Variants in TTN observed in about 807,000 individuals in gnomAD.
The protein encoded by TTN is connectin.
A neutral mutation model predicts 3,223.0 loss-of-function variants in TTN; 1,525 were observed. The ratio of observed to expected loss-of-function variants is 0.47; its 90% CI spans 0.45 to 0.49. The LOEUF (loss-of-function observed/expected upper bound fraction) is 0.49, where lower values mean the gene tolerates loss of function less well. Ranked by LOEUF, TTN falls within the 20% of genes least tolerant of loss-of-function variation. The probability of loss-of-function intolerance (pLI) is 0.00; values close to 1 mark genes in which losing one functional copy is unlikely to be tolerated. For missense variants in TTN, 40,786 were observed against 43,424.0 expected (o/e 0.94, Z 5.40); for synonymous variants, 14,094 against 15,161.0 (o/e 0.93, Z 5.17).
Position 178,731,751 on chromosome 2 carries a change from C to A in TTN, c.17124G>T (p.Gln5708His). 1 of 1,613,782 alleles carries A rather than the reference C, an allele frequency of 6.2e-7. No homozygotes were observed. The highest frequency in any genetic ancestry group is 1.1e-5 in the South Asian group (1 of 91,072). ...TGCCCACCTCATTGGTCACCCGACA[C>A]TGGTATTCGCCAGCATCTGCAGCTA... is the stretch of plus-strand genomic sequence containing the variant. Reference protein sequence around the residue: ...KFVAADAGEYQCRVTNEVGSS... With the variant: ...KFVAADAGEYHCRVTNEVGSS... Residue 5708 changes from glutamine to histidine, a missense_variant, in exon 58 of 363, where the codon CAG (glutamine) becomes CAT (histidine). Gln to His is a conservative substitution (Grantham distance 24). Transcript: ENST00000589042.
Position 178,572,508 on chromosome 2 carries a change from G to T in TTN, c.73624C>A (p.Pro24542Thr). 6.2e-7 allele frequency: 1 copy of T among 1,613,300 alleles called. No individual in the cohort carries two copies. The highest frequency in any genetic ancestry group is 8.5e-7 in the Non-Finnish European group (1 of 1,179,576). The change falls in exon 326 of 363, where the codon CCA (proline) becomes ACA (threonine). Residue 24542 changes from proline to threonine, a missense_variant. Coordinates refer to ENST00000589042, the MANE Select transcript of TTN (RefSeq NM_001267550.2). ...TKTSVTLTWD[P>T]PLLDGGSKIK... is the part of the protein sequence containing the mutation. ...TTTGAACCTCCATCAAGGAGAGGTG[G>T]GTCCCATGTGAGTGTGACAGATGTC...
Position 178,608,390 on chromosome 2 carries a change from C to G in TTN, c.52493G>C (p.Gly17498Ala). ...LVKWNEPKDN[G>A]SPILGYWLEK... ...AAGCCAGTAACCCAAAATGGGGCTT[C>G]CATTATCTTTTGGTTCATTCCATTT... The change falls in exon 275 of 363, where the codon GGA becomes GCA. Residue 17498 changes from glycine (G) to alanine (A), a missense_variant. Coordinates refer to ENST00000589042, the MANE Select transcript of TTN (RefSeq NM_001267550.2). 6.2e-7 allele frequency: 1 copy of G among 1,610,834 alleles called. No individual in the cohort carries two copies. The highest frequency in any genetic ancestry group is 1.1e-5 in the South Asian group (1 of 90,640).
At position 178,535,854 on chromosome 2, in the gene TTN, AT is replaced by A; in HGVS notation, c.100766-6del. 6.6e-7 allele frequency: 1 copy of A among 1,504,284 alleles called. No individual in the cohort carries two copies. 93.2% of individuals were successfully genotyped at this position (1,504,284 alleles called of 1,614,324 possible). The stretch of plus-strand genomic sequence containing the variant: ...GTAAGTGTATCTTAGCTGGAACTGT[AT>A]CAGAAAAAAAAAAAAAAAGAATATA... On this transcript the variant is annotated splice_polypyrimidine_tract_variant and splice_region_variant and intron_variant, in intron 357 of 362. Coordinates refer to ENST00000589042, the MANE Select transcript of TTN (RefSeq NM_001267550.2).
In TTN at chr2:178,618,859, GAGAA is replaced by G. The variant is rs1576523012; in HGVS notation, c.46697-10_46697-7del. 1.2e-6 allele frequency: 2 copies of G among 1,607,916 alleles called. No individual in the cohort carries two copies. Among genetic ancestry groups the G allele is most frequent in the Non-Finnish European group, 1.7e-6 (2 of 1,178,068 alleles). ...TGTCTTGATTTTTGGTGCAGCTAGT[GAGAA>G]AGATAACATGTGAACGCTTTCGACT... On this transcript the variant is annotated splice_region_variant and splice_polypyrimidine_tract_variant and intron_variant, in intron 250 of 362. Transcript: ENST00000589042.
rs767794014 is a variant in TTN at position 178,689,537 on chromosome 2, T to C, written c.31905A>G (p.Arg10635=). 14 of 1,610,504 alleles carry C rather than the reference T, an allele frequency of 8.7e-6. No individual in the cohort carries two copies. The East Asian group carries it at 2.7e-4, about 31-fold the overall frequency. The stretch of plus-strand genomic sequence containing the variant: ...TACCTGCTGGTGGTGGAGATTCCTC[T>C]CTTTGAGTTACAATGGTTATTTTTT... ...TEEKITIVTQ[R]EESPPPAVPE... The change falls in exon 123 of 363, where the codon AGA becomes AGG. Residue 10635 remains arginine (R), a synonymous_variant. Transcript: ENST00000589042.
Position 178,577,339 on chromosome 2 carries a change from G to A in TTN, c.68996C>T (p.Thr22999Ile), listed in dbSNP as rs755306597. Reference protein sequence around the residue: ...RPSDITQITSTPTSSMLTIKY... With the variant: ...RPSDITQITSIPTSSMLTIKY... ...GATAGTAAGCATGGAAGATGTTGGG[G>A]TTGAAGTTATCTGAGTGATATCTGA... The change falls in exon 324 of 363, where the codon ACC becomes ATC. Residue 22999 changes from threonine (T) to isoleucine (I), a missense_variant. Thr to Ile is a moderately conservative substitution (Grantham distance 89). Coordinates refer to ENST00000589042, the MANE Select transcript of TTN (RefSeq NM_001267550.2). 23 of 1,612,780 alleles carry A rather than the reference G, an allele frequency of 1.4e-5. No individual in the cohort carries two copies. Among genetic ancestry groups the A allele is most frequent in the Admixed American group, 5.0e-5 (3 of 59,856 alleles).
At chr2:178,680,536 T>C (rs2069137339) in intron 138 of TTN, among the ~76,000 whole-genome samples, 1 of 152,002 alleles carries the variant, frequency 6.6e-6, no homozygotes, top group Non-Finnish European at 1.5e-5. Context: ...AGTACCCAAG[T>C]AAACATGAAG....
Position 178,561,518 on chromosome 2 carries a change from T to C in TTN, c.84614A>G (p.Asn28205Ser). The change falls in exon 326 of 363, where the codon AAT becomes AGT. Residue 28205 changes from asparagine to serine, a missense_variant. Transcript: ENST00000589042. ...TTGAGTATCAGCAATGAGGATTTTATTTGCTTTTGACCAAAGAATGCTGCT... is the reference window on the plus strand; with the variant it reads ...TTGAGTATCAGCAATGAGGATTTTACTTGCTTTTGACCAAAGAATGCTGCT... ...ERSSILWSKA[N>S]KILIADTQMK... The C allele has an allele frequency of 6.2e-7, 1 of 1,613,528 alleles. No individual in the cohort carries two copies. Among genetic ancestry groups the C allele is most frequent in the Non-Finnish European group, 8.5e-7 (1 of 1,179,620 alleles).
Position 178,579,852 on chromosome 2 carries a change from A to T in TTN, c.67349-4T>A. The T allele has an allele frequency of 1.2e-6, 2 of 1,612,562 alleles. No homozygotes were observed. The highest frequency in any genetic ancestry group is 1.7e-6 in the Non-Finnish European group (2 of 1,179,314). On this transcript the variant is annotated splice_region_variant and splice_polypyrimidine_tract_variant and intron_variant, in intron 318 of 362. Transcript: ENST00000589042. ...TCCACAACTGGTCCAGGAGTTTCTA[A>T]AGCAAAGGAGAAATGATAAGTGTAA...
rs2154249992 is a variant in TTN, at chr2:178,651,700, G to A, written c.39429C>T (p.Val13143=). 6.2e-7 allele frequency: 1 copy of A among 1,613,284 alleles called. No homozygotes were observed. The highest frequency in any genetic ancestry group is 2.2e-5 in the East Asian group (1 of 44,824). Reference sequence around the variant, plus strand: ...GTGGTAGTTCAGGTTTTTTGGCAACGACAGCAGGTGCTTTCTTTTCTGGGA... The same window carrying A: ...GTGGTAGTTCAGGTTTTTTGGCAACAACAGCAGGTGCTTTCTTTTCTGGGA... The part of the protein sequence containing the change: ...KPVPEKKAPA[V]VAKKPELPPV... The change falls in exon 206 of 363, where the codon GTC becomes GTT. Residue 13143 remains valine, a synonymous_variant. Transcript: ENST00000589042.
intron 344 of TTN, among the ~76,000 whole-genome samples, chr2:178,544,730 T>C (rs1696233505): frequency 6.6e-6 from 1 of 152,196 alleles, no homozygotes; most frequent in South Asian, 2.1e-4. Flanking sequence ...AAGTAGATAT[T>C]TCTTCCCTAC....
intron 38 of TTN, 127 bp downstream of exon 38, chr2:178,768,546 A>T: frequency 7.2e-7 from 1 of 1,380,320 alleles, no homozygotes; most frequent in Non-Finnish European, 9.9e-7. Flanking sequence ...CTTCCTTTTT[A>T]TTGCTGAATG....
At chr2:178,665,055 G>T in intron 165 of TTN, 129 bp from the exon 166 acceptor site, 1 of 1,146,596 alleles carries the variant, frequency 8.7e-7, no homozygotes, top group East Asian at 2.6e-5. Context: ...CCACCAATAG[G>T]CTAAGTCTTT....
chr2:178,711,646 C>A (rs2076670153), intron 96 of TTN, among the ~76,000 whole-genome samples: 1 of 152,128 alleles, frequency 6.6e-6, no homozygotes, highest in Non-Finnish European at 1.5e-5. Context: ...TTAAAGACTG[C>A]CTTCTAGCAA....
At chr2:178,650,442 T>C (rs1353429083) in intron 209 of TTN, among the ~76,000 whole-genome samples, 171 bp from the exon 210 acceptor site, 5 of 152,280 alleles carry the variant, frequency 3.3e-5, no homozygotes, top group Middle Eastern at 3.4e-3. Flanking sequence ...TCTTTGTCTA[T>C]TGATTCAAAT....
In TTN at chr2:178,663,825, C is replaced by G. The variant is rs2065265659; in HGVS notation, c.36442G>C (p.Val12148Leu). Residue 12148 changes from valine (V) to leucine (L), a missense_variant, in exon 170 of 363, where the codon GTT becomes CTT. Transcript: ENST00000589042. Reference protein sequence around the residue: ...APPKEPEVPPVKVPEPPKEVV... With the variant: ...APPKEPEVPPLKVPEPPKEVV... The stretch of plus-strand genomic sequence containing the variant: ...TAAGGTCAGTGGCAACTACCTTTAA[C>G]AGGTGGGACTTCAGGCTCTTTAGGA... 6.2e-7 allele frequency: 1 copy of G among 1,613,460 alleles called. No individual in the cohort carries two copies. Among genetic ancestry groups the G allele is most frequent in the Admixed American group, 1.7e-5 (1 of 59,996 alleles).
intron 6 of TTN, among the ~76,000 whole-genome samples, chr2:178,797,002 A>G (rs1044280270): frequency 1.3e-5 from 2 of 152,174 alleles, no homozygotes; most frequent in Non-Finnish European, 2.9e-5. Flanking sequence ...GCAAATTGGC[A>G]TTTTATTTCT....
At position 178,545,700 on chromosome 2, in the gene TTN, A is replaced by T. The variant is rs1465416438; in HGVS notation, c.95417-7T>A. On this transcript the variant is annotated splice_region_variant and splice_polypyrimidine_tract_variant and intron_variant, in intron 343 of 362. Transcript: ENST00000589042. The stretch of plus-strand genomic sequence containing the variant: ...CCGGGTGGTGATGGAATAGCTGTTT[A>T]TGAAAATAAGGATGATGAGAATTGC... The T allele has an allele frequency of 1.2e-6, 2 of 1,609,768 alleles. No homozygotes were observed. The highest frequency in any genetic ancestry group is 1.7e-6 in the Non-Finnish European group (2 of 1,176,896).
intron 96 of TTN, 34 bp downstream of exon 96, chr2:178,711,910 A>G: frequency 1.3e-6 from 2 of 1,528,034 alleles, no homozygotes; most frequent in South Asian, 2.7e-5. Context: ...CAAAAGAAAC[A>G]CAAATTCGTT....
Sources: allele counts gnomAD v4.1 joint callset (sites outside exome capture counted in the v4.1 genomes callset), GRCh38; gene constraint gnomAD v4.1.1; transcripts MANE v1.5; gene names NCBI Gene and HGNC (gene_info 2026-07-23, HGNC 2026-07-21).